The following SERPINE3 variants were observed in gnomAD, a reference collection of about 807,000 sequenced individuals.
SERPINE3 encodes the protein serpin E3.
A neutral mutation model predicts 41.7 loss-of-function variants in SERPINE3; 43 were observed. That is an observed-to-expected ratio of 1.03 (90% CI 0.81 to 1.33). The LOEUF (loss-of-function observed/expected upper bound fraction) is 1.33. SERPINE3 is among the 40% of genes most tolerant of loss of function. The pLI is 0.00. For synonymous variants in SERPINE3, 200 were observed against 192.2 expected, an observed-to-expected ratio of 1.04 and a Z score of -0.34; for missense variants, 440 against 491.7, an observed-to-expected ratio of 0.89 and a Z score of 0.99.
intron 9 of SERPINE3, chr13:51,362,322 T>C (rs368224765): frequency 4.6e-4 from 101 of 218,408 alleles, no homozygotes; most frequent in Middle Eastern, 3.3e-3. Flanking sequence ...TTCTAATGAA[T>C]GCACCTGGAT....
At chr13:51,353,595 G>A (rs1016879890) in intron 6 of SERPINE3, among the ~76,000 whole-genome samples, 10 of 152,172 alleles carry the variant, frequency 6.6e-5, no homozygotes, top group African/African-American at 1.4e-4. Flanking sequence ...CAAAAAGGAT[G>A]TGTTTTCAGT....
intron 3 of SERPINE3, among the ~76,000 whole-genome samples, chr13:51,343,305 C>T (rs757377788): frequency 1.3e-5 from 2 of 152,212 alleles, no homozygotes; most frequent in South Asian, 4.1e-4. Context: ...AAGGGGGCTT[C>T]ACTTCTGGAA....
At chr13:51,344,871 G>A (rs1206320336) in intron 4 of SERPINE3, among the ~76,000 whole-genome samples, 2 of 151,630 alleles carry the variant, frequency 1.3e-5, no homozygotes, top group African/African-American at 2.4e-5. Flanking sequence ...AGTGCAACAG[G>A]AGCCAAAAAA....
intron 9 of SERPINE3, chr13:51,363,143 A>C (rs1482715479): frequency 1.3e-5 from 2 of 151,980 alleles, no homozygotes; most frequent in Non-Finnish European, 2.9e-5. Flanking sequence ...AAAGGTTGAT[A>C]GGTAAAAGAG....
At chr13:51,340,757 A>AT (rs1317921170) in intron 1 of SERPINE3, 27 bp from the exon 2 acceptor site, 1 of 368,316 alleles carries the variant, frequency 2.7e-6, no homozygotes, top group African/African-American at 2.0e-5. Flanking sequence ...TTTTCCCAAC[A>AT]TAATGCTTTG....
At chr13:51,348,581 C>A in intron 6 of SERPINE3, 170 bp downstream of exon 6, 1 of 591,864 alleles carries the variant, frequency 1.7e-6, no homozygotes, top group Non-Finnish European at 3.0e-6. Context: ...AGTTTGAGTT[C>A]ATTTCAGAGC....
chr13:51,357,590 G>C (rs1955499279), intron 7 of SERPINE3, among the ~76,000 whole-genome samples: 1 of 151,836 alleles, frequency 6.6e-6, no homozygotes, highest in Admixed American at 6.6e-5. Context: ...CTTCCTTCTT[G>C]GCATCAAATA....
chr13:51,339,934 AAGAGAG>A (rs969743505), intron 1 of SERPINE3, among the ~76,000 whole-genome samples, 191 bp downstream of exon 1: 5 of 151,064 alleles, frequency 3.3e-5, no homozygotes, highest in Non-Finnish European at 5.9e-5. Flanking sequence ...CATAGAAAGA[AAGAGAG>A]AGAGAGAGAG....
chr13:51,345,121 T>C (rs915978889), intron 4 of SERPINE3, among the ~76,000 whole-genome samples: 3 of 152,154 alleles, frequency 2.0e-5, no homozygotes, highest in Non-Finnish European at 4.4e-5. Flanking sequence ...CTGCTCCCAG[T>C]TGATTGTCTC....
At chr13:51,361,471 A>G in intron 8 of SERPINE3, 107 bp downstream of exon 8, 1 of 755,152 alleles carries the variant, frequency 1.3e-6, no homozygotes, top group Non-Finnish European at 2.2e-6. Context: ...CCCCAAGTTC[A>G]GGTGTGGTGT....
intron 7 of SERPINE3, among the ~76,000 whole-genome samples, chr13:51,356,897 T>C (rs1955489495): frequency 6.6e-6 from 1 of 152,140 alleles, no homozygotes; most frequent in South Asian, 2.1e-4. Flanking sequence ...ATGTGCCAAG[T>C]ATGAAGCTTG....
intron 6 of SERPINE3, among the ~76,000 whole-genome samples, chr13:51,352,491 A>AGGTT (rs1955415144): frequency 1.3e-5 from 2 of 150,548 alleles, no homozygotes; most frequent in Non-Finnish European, 3.0e-5. Context: ...GTGTGTGTGG[A>AGGTT]TTCTTTAGGG....
At chr13:51,344,621 T>G in intron 4 of SERPINE3, 136 bp downstream of exon 4, 1 of 683,582 alleles carries the variant, frequency 1.5e-6, no homozygotes, top group Non-Finnish European at 2.5e-6. Context: ...TAGGAGATCC[T>G]ACCCTTGAAT....
intron 6 of SERPINE3, 44 bp from the exon 7 acceptor site, chr13:51,354,999 T>G: frequency 1.0e-6 from 1 of 969,884 alleles, no homozygotes; most frequent in African/African-American, 1.6e-5. Flanking sequence ...GAAAGTATAT[T>G]GAGTGAGAAT....
At chr13:51,345,410 T>C (rs909590761) in intron 4 of SERPINE3, among the ~76,000 whole-genome samples, 1 of 151,992 alleles carries the variant, frequency 6.6e-6, no homozygotes, top group Non-Finnish European at 1.5e-5. Context: ...CTGGCCAACA[T>C]GGTGAAACCC....
chr13:51,363,320 T>C (rs1955619959), intron 9 of SERPINE3: 1 of 151,962 alleles, frequency 6.6e-6, no homozygotes, highest in Non-Finnish European at 1.5e-5. Context: ...GGAATTCTAA[T>C]AGTCCTTGTG....
At chr13:51,353,920 T>A (rs1955438870) in intron 6 of SERPINE3, among the ~76,000 whole-genome samples, 1 of 152,148 alleles carries the variant, frequency 6.6e-6, no homozygotes, top group Non-Finnish European at 1.5e-5. Flanking sequence ...CCTTTTAAAG[T>A]ATCCTTCAAC....
chr13:51,344,624 C>A, intron 4 of SERPINE3, 139 bp downstream of exon 4: 1 of 679,514 alleles, frequency 1.5e-6, no homozygotes, highest in Non-Finnish European at 2.5e-6. Context: ...GAGATCCTAC[C>A]CTTGAATGAC....
At chr13:51,344,637 G>C (rs1955328278) in intron 4 of SERPINE3, among the ~76,000 whole-genome samples, 152 bp downstream of exon 4, 1 of 152,224 alleles carries the variant, frequency 6.6e-6, no homozygotes, top group African/African-American at 2.4e-5. Flanking sequence ...TGAATGACAA[G>C]GGGACACTAA....
Sources: allele counts gnomAD v4.1 joint callset (sites outside exome capture counted in the v4.1 genomes callset), GRCh38; gene constraint gnomAD v4.1.1; transcripts MANE v1.5; gene names NCBI Gene and HGNC (gene_info 2026-07-23, HGNC 2026-07-21).